Variants in PALM2AKAP2 observed in about 807,000 individuals in gnomAD.
PALM2AKAP2 encodes PALM2-AKAP2 fusion protein.
In PALM2AKAP2, 37 loss-of-function variants were observed where a neutral mutation model predicts 71.5. That is an observed-to-expected ratio of 0.52 (90% CI 0.40 to 0.68). PALM2AKAP2 has a LOEUF of 0.68. Among genes scored for constraint, PALM2AKAP2 ranks in the 30% least tolerant of loss-of-function variants. PALM2AKAP2 has a pLI of 0.00. For synonymous variants in PALM2AKAP2, 468 were observed against 478.8 expected (o/e 0.98, Z 0.29); for missense variants, 1,224 against 1,191.8 (o/e 1.03, Z -0.40).
intron 1 of PALM2AKAP2, among the ~76,000 whole-genome samples, chr9:110,124,397 C>T (rs570833123): frequency 1.3e-5 from 2 of 152,322 alleles, no homozygotes; most frequent in South Asian, 2.1e-4. Flanking sequence ...TTCTCTTTGA[C>T]CTCTAAAATC....
At chr9:109,806,333 C>A (rs1007051998) in intron 1 of PALM2AKAP2, among the ~76,000 whole-genome samples, 5 of 152,146 alleles carry the variant, frequency 3.3e-5, no homozygotes, top group Admixed American at 1.3e-4. Context: ...AATAAACATG[C>A]ATCTGAGTTT....
chr9:110,022,176 G>A (rs1376261973), intron 7 of PALM2AKAP2, among the ~76,000 whole-genome samples: 1 of 152,072 alleles, frequency 6.6e-6, no homozygotes, highest in East Asian at 1.9e-4. Flanking sequence ...GTCTCTCTCT[G>A]TACCCATTCT....
At chr9:109,661,997 G>GT (rs1287648354) in intron 1 of PALM2AKAP2, among the ~76,000 whole-genome samples, 2 of 152,170 alleles carry the variant, frequency 1.3e-5, no homozygotes, top group East Asian at 3.8e-4. Flanking sequence ...GAATGCTTGT[G>GT]ATTTTTGCAC....
chr9:110,169,482 A>G (rs1452129442), exon 4 of PALM2AKAP2: 1 of 152,176 alleles, frequency 6.6e-6, no homozygotes, highest in African/African-American at 2.4e-5. Flanking sequence ...GTTTATAACT[A>G]TTTTGTATTA....
chr9:110,172,312 T>C (rs780978643), exon 4 of PALM2AKAP2: 2 of 152,634 alleles, frequency 1.3e-5, no homozygotes, highest in Non-Finnish European at 2.9e-5. Flanking sequence ...ATTTTTTCTT[T>C]GTTTTTCTTT....
chr9:109,945,311 G>C (rs1274646622), intron 6 of PALM2AKAP2: 1 of 152,132 alleles, frequency 6.6e-6, no homozygotes, highest in Non-Finnish European at 1.5e-5. Context: ...AAGGAGCTAA[G>C]TTCTGCTGTT....
chr9:109,968,082 A>C (rs905753667), intron 6 of PALM2AKAP2, among the ~76,000 whole-genome samples: 3 of 152,240 alleles, frequency 2.0e-5, no homozygotes, highest in African/African-American at 7.2e-5. Context: ...TGAATGAATG[A>C]ATGAATGGTA....
At chr9:109,890,626 G>A (rs1445561534) in intron 3 of PALM2AKAP2, among the ~76,000 whole-genome samples, 1 of 152,188 alleles carries the variant, frequency 6.6e-6, no homozygotes, top group African/African-American at 2.4e-5. Flanking sequence ...GAGAGGAAAG[G>A]GTTACACACT....
chr9:109,754,646 C>T (rs562459123), intron 1 of PALM2AKAP2, among the ~76,000 whole-genome samples: 10 of 152,196 alleles, frequency 6.6e-5, no homozygotes, highest in African/African-American at 2.2e-4. Flanking sequence ...CTGGGAAGTC[C>T]TAGATCAGGG....
Position 109,852,849 on chromosome 9 carries a change from A to C in PALM2AKAP2, c.46-14642A>C, listed in dbSNP as rs917921788. On this transcript the variant is annotated intron_variant, in intron 1 of 9. Transcript: ENST00000302798. ...TATGTCTTTTGAAAAGTGTCTGTTC[A>C]TGTCCCTTGCTCACTTTTTAATGGG... Among the ~76,000 whole-genome samples, 3 of 152,182 alleles carry C rather than the reference A, an allele frequency of 2.0e-5. No homozygotes were observed. The South Asian group carries it at 6.2e-4, about 32-fold the overall frequency.
At chr9:110,011,010 AAAAAATATATATAT>A (rs1384778794) in intron 6 of PALM2AKAP2, among the ~76,000 whole-genome samples, 4 of 88,976 alleles carry the variant, frequency 4.5e-5, no homozygotes, top group African/African-American at 2.9e-4. Context: ...AAAAAAAAAA[AAAAAATATATATAT>A]ATATATATAT....
chr9:110,087,986 G>T (rs1834611435), intron 1 of PALM2AKAP2, among the ~76,000 whole-genome samples: 1 of 152,110 alleles, frequency 6.6e-6, no homozygotes, highest in South Asian at 2.1e-4. Context: ...GTTCTGAATT[G>T]CAAAAAAGAG....
chr9:110,136,674 G>A, exon 2 of PALM2AKAP2: 1 of 1,614,150 alleles, frequency 6.2e-7, no homozygotes, highest in Non-Finnish European at 8.5e-7. Context: ...CTGGGGGACA[G>A]CCTGCAGGTG....
chr9:109,758,352 G>A (rs140461363), intron 1 of PALM2AKAP2, among the ~76,000 whole-genome samples: 70 of 152,150 alleles, frequency 4.6e-4, no homozygotes, highest in Non-Finnish European at 8.7e-4. Context: ...TCATCTGTAG[G>A]ATAAAATTTG....
chr9:109,783,911 C>T (rs1826891833), intron 1 of PALM2AKAP2, among the ~76,000 whole-genome samples: 1 of 152,194 alleles, frequency 6.6e-6, no homozygotes, highest in South Asian at 2.1e-4. Context: ...TCCGCCCCCA[C>T]CAACAAAACT....
At chr9:109,960,098 T>G (rs1274105711) in intron 6 of PALM2AKAP2, among the ~76,000 whole-genome samples, 3 of 152,208 alleles carry the variant, frequency 2.0e-5, no homozygotes, top group Non-Finnish European at 4.4e-5. Context: ...AATTTTTCTT[T>G]TTAATTAAGG....
At chr9:110,007,694 C>T (rs904577686) in intron 6 of PALM2AKAP2, among the ~76,000 whole-genome samples, 1 of 152,112 alleles carries the variant, frequency 6.6e-6, no homozygotes, top group Non-Finnish European at 1.5e-5. Context: ...AAGGAACTTT[C>T]CCTTTCACCC....
intron 1 of PALM2AKAP2, among the ~76,000 whole-genome samples, chr9:109,806,816 T>C (rs542628583): frequency 2.0e-5 from 3 of 152,226 alleles, no homozygotes; most frequent in Admixed American, 6.5e-5. Context: ...TGGGGCTGGA[T>C]TATGAAGGCA....
At chr9:110,081,874 T>A (rs915198136) in intron 1 of PALM2AKAP2, among the ~76,000 whole-genome samples, 1 of 152,060 alleles carries the variant, frequency 6.6e-6, no homozygotes, top group Non-Finnish European at 1.5e-5. Flanking sequence ...CCAAAGCCCC[T>A]ACCTCTCCAA....
Sources: allele counts gnomAD v4.1 joint callset (sites outside exome capture counted in the v4.1 genomes callset), GRCh38; gene constraint gnomAD v4.1.1; transcripts MANE v1.5; gene names NCBI Gene and HGNC (gene_info 2026-07-23, HGNC 2026-07-21).